TRIM33: variants seen among roughly 807,000 people sequenced by gnomAD.
The protein encoded by TRIM33 is tripartite motif containing 33, also known as E3 ubiquitin-protein ligase TRIM33.
TRIM33 carries 20 observed loss-of-function variants against 125.4 expected under a neutral mutation model. That is an observed-to-expected ratio of 0.16 (90% CI 0.11 to 0.23). The LOEUF (loss-of-function observed/expected upper bound fraction) is 0.23. Among genes scored for constraint, TRIM33 ranks in the 10% least tolerant of loss-of-function variants. TRIM33 has a pLI of 1.00. For missense variants in TRIM33, 920 were observed against 1,411.4 expected, an observed-to-expected ratio of 0.65 and a Z score of 5.58; for synonymous variants, 564 against 513.9, an observed-to-expected ratio of 1.10 and a Z score of -1.32.
chr1:114,500,908 G>GGACGGACTT (rs1316159111), intron 1 of TRIM33, among the ~76,000 whole-genome samples: 1 of 130,122 alleles, frequency 7.7e-6, no homozygotes, highest in African/African-American at 3.1e-5. Flanking sequence ...CAAGAATTTG[G>GGACGGACTT]GGCCGGGCGC....
At chr1:114,440,549 TAAA>T (rs1648589729) in intron 4 of TRIM33, among the ~76,000 whole-genome samples, 1 of 152,184 alleles carries the variant, frequency 6.6e-6, no homozygotes, top group Admixed American at 6.5e-5. Context: ...GGCAACTATT[TAAA>T]ATTTTAGATG....
chr1:114,474,409 TA>T (rs35612457), intron 1 of TRIM33, among the ~76,000 whole-genome samples: 235 of 136,156 alleles, frequency 1.7e-3, no homozygotes, highest in Middle Eastern at 3.7e-3. Flanking sequence ...TTCTACAAAT[TA>T]AAAAAAAAAA....
chr1:114,425,923 T>C (rs1266510209), intron 8 of TRIM33, among the ~76,000 whole-genome samples, 200 bp from the exon 9 acceptor site: 2 of 152,174 alleles, frequency 1.3e-5, no homozygotes, highest in African/African-American at 2.4e-5. Flanking sequence ...AAATGACGTT[T>C]GGTTATTCAG....
At chr1:114,432,562 G>A (rs933781524) in intron 5 of TRIM33, among the ~76,000 whole-genome samples, 10 of 152,118 alleles carry the variant, frequency 6.6e-5, no homozygotes, top group East Asian at 1.9e-4. Flanking sequence ...TGAGGCAGGC[G>A]GATCACGAGG....
chr1:114,401,536 A>G (rs1018153430), intron 16 of TRIM33, 73 bp from the exon 17 acceptor site: 7 of 1,276,908 alleles, frequency 5.5e-6, no homozygotes, highest in Middle Eastern at 1.9e-4. Context: ...AATGAGAACT[A>G]TATCACAACA....
At chr1:114,449,688 G>C (rs576211960) in intron 4 of TRIM33, among the ~76,000 whole-genome samples, 2 of 152,022 alleles carry the variant, frequency 1.3e-5, no homozygotes, top group African/African-American at 4.8e-5. Flanking sequence ...TTCATTTCAG[G>C]AGAAATAAAT....
rs183081593 is a variant in TRIM33 at position 114,453,567 on chromosome 1, G to A, written c.923+9537C>T. Among the ~76,000 whole-genome samples the A allele has an allele frequency of 7.2e-5, 11 of 152,260 alleles. No homozygotes were observed. In the East Asian group the frequency reaches 7.7e-4, roughly 11 times the overall value. On this transcript the variant is annotated intron_variant, in intron 4 of 19. Coordinates refer to ENST00000358465, the MANE Select transcript of TRIM33 (RefSeq NM_015906.4). ...AAGAGAGATCTAGCCTTTGCCTTCA[G>A]TCCCTGGCAGGTAATCTCTAACCCC...
At chr1:114,480,389 A>G (rs1651243689) in intron 1 of TRIM33, among the ~76,000 whole-genome samples, 1 of 150,892 alleles carries the variant, frequency 6.6e-6, no homozygotes, top group Non-Finnish European at 1.5e-5. Flanking sequence ...ACCTTTGTTC[A>G]CTTGTTTATC....
At chr1:114,447,103 T>C (rs1649026101) in intron 4 of TRIM33, among the ~76,000 whole-genome samples, 1 of 152,200 alleles carries the variant, frequency 6.6e-6, no homozygotes, top group Non-Finnish European at 1.5e-5. Context: ...GAAGAGTCAC[T>C]GCAGGTTTTG....
At chr1:114,509,599 C>T (rs186186428) in intron 1 of TRIM33, among the ~76,000 whole-genome samples, 1 of 152,216 alleles carries the variant, frequency 6.6e-6, no homozygotes, top group Non-Finnish European at 1.5e-5. Flanking sequence ...CCTACACAGT[C>T]TTTAGTTCCA....
chr1:114,398,259 A>G (rs1651663426), intron 18 of TRIM33, among the ~76,000 whole-genome samples: 2 of 152,212 alleles, frequency 1.3e-5, no homozygotes, highest in Non-Finnish European at 1.5e-5. Flanking sequence ...GAACACATCA[A>G]TCTATCCAAG....
intron 1 of TRIM33, among the ~76,000 whole-genome samples, chr1:114,490,332 C>T (rs898274726): frequency 7.2e-5 from 11 of 151,948 alleles, no homozygotes; most frequent in Non-Finnish European, 1.2e-4. Flanking sequence ...CAAATCAAAA[C>T]CACAATGAAA....
rs2179657 is a variant in TRIM33 at position 114,402,772 on chromosome 1, G to C, written c.2880C>G (p.Pro960=). The change falls in exon 16 of 20, where the codon CCC becomes CCG. Residue 960 remains proline, a synonymous_variant. Coordinates refer to ENST00000358465, the MANE Select transcript of TRIM33 (RefSeq NM_015906.4). The stretch of plus-strand genomic sequence containing the variant: ...ATTTGACACTTACCCTTTGGTCCAC[G>C]GGGCTTAACCCCTGCGCAGTTTTCC... The part of the protein sequence containing the change: ...KKGKTAQGLS[P]VDQRKCERLL... 10 of 1,612,806 alleles carry C rather than the reference G, an allele frequency of 6.2e-6. No homozygotes were observed. In the East Asian group the frequency reaches 1.1e-4, roughly 18 times the overall value.
chr1:114,486,556 A>G (rs1651705067), intron 1 of TRIM33, among the ~76,000 whole-genome samples: 1 of 150,624 alleles, frequency 6.6e-6, no homozygotes, highest in South Asian at 2.1e-4. Flanking sequence ...CAAAAAAAAA[A>G]AAAAAAAAAA....
At chr1:114,487,628 T>A (rs1344062994) in intron 1 of TRIM33, among the ~76,000 whole-genome samples, 1 of 151,722 alleles carries the variant, frequency 6.6e-6, no homozygotes, top group Non-Finnish European at 1.5e-5. Flanking sequence ...CCGGGCGCGG[T>A]GGCTCACGCC....
At chr1:114,465,825 AG>A (rs1369354484) in intron 1 of TRIM33, among the ~76,000 whole-genome samples, 2 of 151,962 alleles carry the variant, frequency 1.3e-5, no homozygotes, top group African/African-American at 4.8e-5. Flanking sequence ...GCGGATCACG[AG>A]GTCAGGAGAT....
intron 6 of TRIM33, among the ~76,000 whole-genome samples, chr1:114,428,625 A>C (rs6700446): frequency 0.063 from 9,615 of 152,292 alleles, 325 homozygotes; most frequent in African/African-American, 0.086. Context: ...TTTTCTGGAC[A>C]ATATTTTTCC....
intron 8 of TRIM33, among the ~76,000 whole-genome samples, chr1:114,426,210 C>T (rs147908486): frequency 3.9e-5 from 6 of 152,232 alleles, no homozygotes; most frequent in Admixed American, 1.3e-4. Context: ...TGATGGTTTT[C>T]CTTGCTTTTT....
At chr1:114,419,052 C>T (rs1389283373) in intron 11 of TRIM33, among the ~76,000 whole-genome samples, 1 of 151,680 alleles carries the variant, frequency 6.6e-6, no homozygotes, top group Non-Finnish European at 1.5e-5. Flanking sequence ...TACTAAAACA[C>T]AAAAATTAGC....
Sources: allele counts gnomAD v4.1 joint callset (sites outside exome capture counted in the v4.1 genomes callset), GRCh38; gene constraint gnomAD v4.1.1; transcripts MANE v1.5; gene names NCBI Gene and HGNC (gene_info 2026-07-23, HGNC 2026-07-21).